Variants in NFATC3 observed in about 807,000 individuals in gnomAD.
The protein encoded by NFATC3 is nuclear factor of activated T cells 3, also known as nuclear factor of activated T-cells, cytoplasmic 3.
Under a neutral mutation model 98.6 loss-of-function variants are expected in NFATC3, and 46 were observed. The observed-to-expected ratio is 0.47, with a 90% CI of 0.37 to 0.60. NFATC3 has a LOEUF of 0.60. Ranked by LOEUF, NFATC3 falls within the 20% of genes least tolerant of loss-of-function variation. The probability of loss-of-function intolerance (pLI) is 0.00; values close to 1 mark genes in which losing one functional copy is unlikely to be tolerated. For synonymous variants in NFATC3, 512 were observed against 472.2 expected (o/e 1.08, Z -1.09); for missense variants, 1,256 against 1,295.5 (o/e 0.97, Z 0.47).
At chr16:68,108,473 A>G (rs2035783357) in intron 1 of NFATC3, among the ~76,000 whole-genome samples, 1 of 152,160 alleles carries the variant, frequency 6.6e-6, no homozygotes, top group Non-Finnish European at 1.5e-5. Flanking sequence ...TGTTTTGGTT[A>G]CTGTAGCCTT....
intron 3 of NFATC3, among the ~76,000 whole-genome samples, chr16:68,134,230 C>T (rs2037268675): frequency 6.6e-6 from 1 of 152,128 alleles, no homozygotes; most frequent in Admixed American, 6.6e-5. Flanking sequence ...GGCACAATCA[C>T]GACCCATTGC....
chr16:68,165,513 C>T (rs1375434499), intron 4 of NFATC3, among the ~76,000 whole-genome samples: 1 of 151,196 alleles, frequency 6.6e-6, no homozygotes, highest in African/African-American at 2.4e-5. Flanking sequence ...TTTCCTGCCT[C>T]AGCCTCCCAA....
chr16:68,126,617 G>A lies in NFATC3; in HGVS notation c.1401+7G>A. 6.2e-7 allele frequency: 1 copy of A among 1,613,854 alleles called. No individual in the cohort carries two copies. The highest frequency in any genetic ancestry group is 8.5e-7 in the Non-Finnish European group (1 of 1,179,804). ...GGGACATCCTGTTGTGAAGGTATGA[G>A]ACTTTTGGGGCTTGTTTTGCAGATA... On this transcript the variant is annotated splice_region_variant and intron_variant, in intron 3 of 9. Transcript: ENST00000346183.
intron 3 of NFATC3, among the ~76,000 whole-genome samples, chr16:68,142,584 C>G (rs914288132): frequency 1.3e-5 from 2 of 151,856 alleles, no homozygotes; most frequent in African/African-American, 4.8e-5. Flanking sequence ...ATGGTGAAAC[C>G]CTGTCTCTAC....
chr16:68,190,754 C>A lies in NFATC3; in HGVS notation c.2099-14C>A. On this transcript the variant is annotated splice_polypyrimidine_tract_variant and intron_variant, in intron 8 of 9. Transcript: ENST00000346183. ...ATTGTATAATAATATTTGCTTTAAT[C>A]ATTTTCTTTTCAGTTTTGATGAAGC... The A allele has an allele frequency of 6.3e-7, 1 of 1,581,946 alleles. No individual in the cohort carries two copies. The highest frequency in any genetic ancestry group is 8.6e-7 in the Non-Finnish European group (1 of 1,164,106).
intron 1 of NFATC3, among the ~76,000 whole-genome samples, chr16:68,087,662 C>T (rs1471853434): frequency 2.0e-5 from 3 of 152,172 alleles, no homozygotes; most frequent in Non-Finnish European, 2.9e-5. Flanking sequence ...ACATTTTCTT[C>T]ATCCAAAAGA....
At chr16:68,219,000 A>C (rs1460308760) in intron 9 of NFATC3, among the ~76,000 whole-genome samples, 2 of 151,898 alleles carry the variant, frequency 1.3e-5, no homozygotes, top group Non-Finnish European at 2.9e-5. Context: ...GCGCTTTAGG[A>C]GGCCGAGGCG....
intron 4 of NFATC3, among the ~76,000 whole-genome samples, chr16:68,164,282 A>G (rs1033710735): frequency 7.9e-5 from 12 of 152,232 alleles, no homozygotes; most frequent in Admixed American, 4.6e-4. Flanking sequence ...TGCGCCTGCA[A>G]TCGCAGGCTG....
chr16:68,166,159 TCTTTA>T (rs1347635201), intron 4 of NFATC3, among the ~76,000 whole-genome samples: 4 of 152,118 alleles, frequency 2.6e-5, no homozygotes, highest in African/African-American at 7.2e-5. Context: ...AATTAAAGAG[TCTTTA>T]CTTTATTTCA....
chr16:68,214,588 C>A (rs2041558203), intron 9 of NFATC3, among the ~76,000 whole-genome samples: 3 of 152,142 alleles, frequency 2.0e-5, no homozygotes, highest in Non-Finnish European at 4.4e-5. Flanking sequence ...GACTAAAAGA[C>A]TCTGCTTTTT....
chr16:68,119,842 A>G (rs1375229719), intron 1 of NFATC3, among the ~76,000 whole-genome samples: 1 of 152,214 alleles, frequency 6.6e-6, no homozygotes, highest in Non-Finnish European at 1.5e-5. Context: ...TATTCAGAAC[A>G]TGCCTGCTTA....
chr16:68,087,499 CAT>C (rs1012950840), intron 1 of NFATC3, among the ~76,000 whole-genome samples: 5 of 152,148 alleles, frequency 3.3e-5, no homozygotes, highest in Non-Finnish European at 5.9e-5. Flanking sequence ...TTATTTGTCA[CAT>C]AAAGTCCACT....
chr16:68,116,425 A>G (rs555405923), intron 1 of NFATC3, among the ~76,000 whole-genome samples: 3 of 152,266 alleles, frequency 2.0e-5, no homozygotes, highest in Admixed American at 6.5e-5. Context: ...GTATGCTTGC[A>G]TGAGTCCCTC....
intron 3 of NFATC3, among the ~76,000 whole-genome samples, chr16:68,153,963 C>A (rs1489886691): frequency 6.6e-6 from 1 of 152,044 alleles, no homozygotes; most frequent in Non-Finnish European, 1.5e-5. Context: ...GTCACCCAGG[C>A]TGGAGTTTAG....
chr16:68,115,571 C>T (rs1017618424), intron 1 of NFATC3, among the ~76,000 whole-genome samples: 1 of 151,908 alleles, frequency 6.6e-6, no homozygotes, highest in Non-Finnish European at 1.5e-5. Flanking sequence ...ATTACAGGCA[C>T]GCGGCACCAT....
At chr16:68,207,548 C>T (rs1275573223) in intron 9 of NFATC3, among the ~76,000 whole-genome samples, 2 of 152,202 alleles carry the variant, frequency 1.3e-5, no homozygotes, top group Non-Finnish European at 2.9e-5. Flanking sequence ...ACTGAAGTCT[C>T]TGCCTCCTGG....
At chr16:68,203,318 T>G (rs2041005988) in intron 9 of NFATC3, among the ~76,000 whole-genome samples, 1 of 152,180 alleles carries the variant, frequency 6.6e-6, no homozygotes, top group East Asian at 1.9e-4. Context: ...AACAAAAAAT[T>G]TATTTTAATC....
At chr16:68,099,425 ACCC>A in intron 1 of NFATC3, among the ~76,000 whole-genome samples, 1 of 149,382 alleles carries the variant, frequency 6.7e-6, no homozygotes, top group African/African-American at 2.5e-5. Context: ...ACAGAGCGAG[ACCC>A]CACCTCAAAA....
Position 68,122,794 on chromosome 16 carries a change from G to C in NFATC3, c.911G>C (p.Ser304Thr). ...VPSPGHSPRGSVTEDTWLNAS... is the reference protein window; with the variant it reads ...VPSPGHSPRGTVTEDTWLNAS... ...TCACCTGGTCACTCCCCCAGGGGAA[G>C]TGTGACAGAAGATACGTGGCTCAAT... Residue 304 changes from serine (S) to threonine (T), a missense_variant, in exon 2 of 10, where the codon AGT becomes ACT. Physicochemically the swap from Ser to Thr is moderately conservative, Grantham distance 58. Coordinates refer to ENST00000346183, the MANE Select transcript of NFATC3 (RefSeq NM_173165.3). The C allele has an allele frequency of 6.2e-7, 1 of 1,614,272 alleles. No homozygotes were observed. The highest frequency in any genetic ancestry group is 8.5e-7 in the Non-Finnish European group (1 of 1,180,052).
Sources: allele counts gnomAD v4.1 joint callset (sites outside exome capture counted in the v4.1 genomes callset), GRCh38; gene constraint gnomAD v4.1.1; transcripts MANE v1.5; gene names NCBI Gene and HGNC (gene_info 2026-07-23, HGNC 2026-07-21).